Variants in TENM4 observed in about 807,000 individuals in gnomAD.
The protein encoded by TENM4 is teneurin transmembrane protein 4.
In TENM4, 82 loss-of-function variants were observed where a neutral mutation model predicts 243.3. The observed-to-expected ratio is 0.34, with a 90% CI of 0.28 to 0.40. The LOEUF (loss-of-function observed/expected upper bound fraction) is 0.40. Among genes scored for constraint, TENM4 ranks in the 10% least tolerant of loss-of-function variants. The pLI, the probability that TENM4 is intolerant of heterozygous loss-of-function variation, is 1.00. For missense variants in TENM4, 3,138 were observed against 3,673.3 expected, an observed-to-expected ratio of 0.85 and a Z score of 3.77; for synonymous variants, 1,412 against 1,456.3, an observed-to-expected ratio of 0.97 and a Z score of 0.69.
At chr11:79,332,026 T>C (rs1391243053) in intron 1 of TENM4, among the ~76,000 whole-genome samples, 1 of 152,230 alleles carries the variant, frequency 6.6e-6, no homozygotes, top group Non-Finnish European at 1.5e-5. Context: ...TTAATAATAA[T>C]AGATGCTGTT....
intron 15 of TENM4, among the ~76,000 whole-genome samples, chr11:78,798,307 A>G (rs772096568): frequency 6.6e-6 from 1 of 152,164 alleles, no homozygotes; most frequent in Non-Finnish European, 1.5e-5. Flanking sequence ...TTGTGACCTA[A>G]TTTGATAACA....
At chr11:78,995,852 T>A (rs1477158253) in intron 6 of TENM4, among the ~76,000 whole-genome samples, 1 of 152,140 alleles carries the variant, frequency 6.6e-6, no homozygotes, top group Non-Finnish European at 1.5e-5. Context: ...ATCGATCACT[T>A]AAGCTCTCTG....
At chr11:79,358,879 A>G (rs1473699927) in intron 1 of TENM4, among the ~76,000 whole-genome samples, 2 of 152,130 alleles carry the variant, frequency 1.3e-5, no homozygotes, top group Non-Finnish European at 1.5e-5. Flanking sequence ...TACTGATGAT[A>G]GTGTAGTAAA....
intron 1 of TENM4, among the ~76,000 whole-genome samples, chr11:79,437,544 C>T (rs1241573219): frequency 6.6e-6 from 1 of 152,220 alleles, no homozygotes; most frequent in Non-Finnish European, 1.5e-5. Flanking sequence ...CTGGTTCGCA[C>T]CGCTGCTCCG....
intron 30 of TENM4, among the ~76,000 whole-genome samples, chr11:78,673,736 A>G (rs1858394147): frequency 6.6e-6 from 1 of 152,250 alleles, no homozygotes; most frequent in Admixed American, 6.5e-5. Context: ...CCATTAAATG[A>G]CAGCAAACGA....
chr11:79,172,884 G>T (rs145089989), intron 3 of TENM4, among the ~76,000 whole-genome samples: 1 of 151,826 alleles, frequency 6.6e-6, no homozygotes, highest in Non-Finnish European at 1.5e-5. Flanking sequence ...CAACTGATTC[G>T]CCTGCCTCGG....
intron 2 of TENM4, among the ~76,000 whole-genome samples, chr11:79,231,836 T>G (rs536676000): frequency 2.0e-5 from 3 of 152,144 alleles, no homozygotes; most frequent in African/African-American, 7.2e-5. Flanking sequence ...TCCCAGCACT[T>G]TGGGAGGCTG....
chr11:78,686,279 G>A (rs1565331437), intron 29 of TENM4, among the ~76,000 whole-genome samples: 1 of 152,218 alleles, frequency 6.6e-6, no homozygotes, highest in Non-Finnish European at 1.5e-5. Context: ...GAGGTCCATG[G>A]AGGGGTGAAG....
chr11:78,899,570 G>C (rs1254672219), intron 7 of TENM4, among the ~76,000 whole-genome samples: 7 of 121,006 alleles, frequency 5.8e-5, no homozygotes, highest in Admixed American at 1.7e-4. Context: ...GGGGGGGGGG[G>C]GAAAAAGAAA....
chr11:79,046,581 A>G (rs567846871), intron 6 of TENM4, among the ~76,000 whole-genome samples: 5 of 152,318 alleles, frequency 3.3e-5, no homozygotes, highest in African/African-American at 1.2e-4. Flanking sequence ...ACCTACTCCA[A>G]TATGACTTGT....
intron 12 of TENM4, among the ~76,000 whole-genome samples, chr11:78,837,180 C>T (rs1035965495): frequency 1.6e-4 from 25 of 152,076 alleles, no homozygotes; most frequent in African/African-American, 5.8e-4. Flanking sequence ...GGGAGGGACC[C>T]GGTGGGAGAC....
At chr11:78,924,515 G>C (rs1455190645) in intron 6 of TENM4, 2 of 152,126 alleles carry the variant, frequency 1.3e-5, no homozygotes, top group Non-Finnish European at 2.9e-5. Context: ...GTACATCTTT[G>C]GGGAAATCCC....
chr11:79,240,015 T>C (rs986613465), intron 2 of TENM4, among the ~76,000 whole-genome samples: 1 of 152,118 alleles, frequency 6.6e-6, no homozygotes, highest in Non-Finnish European at 1.5e-5. Context: ...AAACGCAAGG[T>C]ACTCGTCACA....
At chr11:78,915,679 C>T (rs1856298910) in intron 6 of TENM4, among the ~76,000 whole-genome samples, 2 of 152,164 alleles carry the variant, frequency 1.3e-5, no homozygotes, top group African/African-American at 2.4e-5. Context: ...AAGGCTCCTG[C>T]AGGGAATAGC....
intron 2 of TENM4, among the ~76,000 whole-genome samples, chr11:79,243,182 C>T (rs962803646): frequency 6.6e-5 from 10 of 152,030 alleles, no homozygotes; most frequent in East Asian, 1.9e-4. Flanking sequence ...ATTCATGACA[C>T]GGTAGGAGGC....
intron 1 of TENM4, among the ~76,000 whole-genome samples, chr11:79,375,381 A>G (rs1045398074): frequency 6.6e-6 from 1 of 152,252 alleles, no homozygotes; most frequent in African/African-American, 2.4e-5. Context: ...ATTTTGATAG[A>G]TTTTCAAGTG....
chr11:79,334,704 A>G lies in TENM4; in HGVS notation c.-320-37161T>C, dbSNP rs550689425. Among the ~76,000 whole-genome samples, 66 of 152,350 alleles carry G rather than the reference A, an allele frequency of 4.3e-4. 2 individuals carry two copies. Among genetic ancestry groups the G allele is most frequent in the Admixed American group, 3.1e-3 (48 of 15,304 alleles). ...AGTCTAAGTGTCCTGAGACATCAGT[A>G]AGTCTAGGAAATGCTGCCAACAATC... On this transcript the variant is annotated intron_variant, in intron 1 of 33. Transcript: ENST00000278550.
intron 12 of TENM4, among the ~76,000 whole-genome samples, chr11:78,817,984 T>A (rs1857644783): frequency 6.6e-6 from 1 of 152,172 alleles, no homozygotes; most frequent in Non-Finnish European, 1.5e-5. Flanking sequence ...TTTCCCTCCC[T>A]CTTATTAAAA....
At position 78,812,153 on chromosome 11, in the gene TENM4, G is replaced by A; in HGVS notation, c.1947C>T (p.Asn649=). The A allele has an allele frequency of 6.4e-7, 1 of 1,551,668 alleles. No homozygotes were observed. The highest frequency in any genetic ancestry group is 1.2e-5 in the South Asian group (1 of 84,052). The change falls in exon 14 of 34, where the codon AAC becomes AAT. Residue 649 remains asparagine, a synonymous_variant. Coordinates refer to ENST00000278550, the MANE Select transcript of TENM4 (RefSeq NM_001098816.3). The stretch of plus-strand genomic sequence containing the variant: ...CACAGCTCTCGCCCTTGTAGCCAGG[G>A]TTGCAGATGCAGGTGCCCGTGATGC... ...GTCITGTCIC[N]PGYKGESCEE... is the part of the protein sequence containing the mutation.
Sources: allele counts gnomAD v4.1 joint callset (sites outside exome capture counted in the v4.1 genomes callset), GRCh38; gene constraint gnomAD v4.1.1; transcripts MANE v1.5; gene names NCBI Gene and HGNC (gene_info 2026-07-23, HGNC 2026-07-21).